Variants in SLC9A8 observed in about 807,000 individuals in gnomAD.
The protein encoded by SLC9A8 is sodium/hydrogen exchanger 8.
Under a neutral mutation model 66.6 loss-of-function variants are expected in SLC9A8, and 48 were observed. That is an observed-to-expected ratio of 0.72 (90% CI 0.57 to 0.92). The LOEUF (loss-of-function observed/expected upper bound fraction) is 0.92, where lower values mean the gene tolerates loss of function less well. Ranked by LOEUF, SLC9A8 falls within the 40% of genes least tolerant of loss-of-function variation. The pLI, the probability that SLC9A8 is intolerant of heterozygous loss-of-function variation, is 0.00. For synonymous variants in SLC9A8, 274 were observed against 282.6 expected, an observed-to-expected ratio of 0.97 and a Z score of 0.31; for missense variants, 599 against 747.3, an observed-to-expected ratio of 0.80 and a Z score of 2.31.
rs369659964 is a variant in SLC9A8, at chr20:49,839,686, T to C, written c.348+87T>C. 3.9e-6 allele frequency: 3 copies of C among 776,232 alleles called. No individual in the cohort carries two copies. In the African/African-American group the frequency reaches 5.4e-5, roughly 14 times the overall value. The allele number at this position is 776,232 out of a possible 1,614,324, so 48.1% of individuals were successfully genotyped here. On this transcript the variant is annotated intron_variant, in intron 4 of 15. Transcript: ENST00000361573. ...GTAATTACTTGGCTATCAGTGGAGT[T>C]ATTTATATTATTATGTTATATATCC...
intron 1 of SLC9A8, among the ~76,000 whole-genome samples, chr20:49,813,187 G>A (rs1327243173): frequency 6.6e-6 from 1 of 152,242 alleles, no homozygotes; most frequent in African/African-American, 2.4e-5. Flanking sequence ...GCGCAGGCCC[G>A]GAGAGCTGTC....
At chr20:49,871,964 CT>C (rs2089224613) in intron 10 of SLC9A8, among the ~76,000 whole-genome samples, 4 of 152,182 alleles carry the variant, frequency 2.6e-5, no homozygotes, top group African/African-American at 4.8e-5. Flanking sequence ...TACTGTCAGC[CT>C]TTGTAGACAG....
At chr20:49,842,935 C>T (rs539505428) in intron 4 of SLC9A8, among the ~76,000 whole-genome samples, 50 of 152,314 alleles carry the variant, frequency 3.3e-4, no homozygotes, top group African/African-American at 1.2e-3. Flanking sequence ...CGCATCACTC[C>T]TGTCTTTGTC....
At chr20:49,846,009 C>T (rs1457413672) in intron 5 of SLC9A8, among the ~76,000 whole-genome samples, 3 of 151,886 alleles carry the variant, frequency 2.0e-5, no homozygotes, top group Non-Finnish European at 2.9e-5. Context: ...TAATTTTTGT[C>T]GTTTTAGTAG....
In SLC9A8 at chr20:49,857,765, T is replaced by C. The variant is rs1374087807; in HGVS notation, c.713+2184T>C. Among the ~76,000 whole-genome samples, 2 of 152,118 alleles carry C rather than the reference T, an allele frequency of 1.3e-5. 1 individual carries two copies. The highest frequency in any genetic ancestry group is 6.3e-3 in the Middle Eastern group (2 of 316). ...GGTACTATGAGAAAAGCATCCAGCA[T>C]TGGGTAATGTGACATCCTTTCCTTT... On this transcript the variant is annotated intron_variant, in intron 8 of 15. Transcript: ENST00000361573.
At chr20:49,846,411 C>T (rs1265901208) in intron 5 of SLC9A8, among the ~76,000 whole-genome samples, 1 of 151,184 alleles carries the variant, frequency 6.6e-6, no homozygotes, top group Non-Finnish European at 1.5e-5. Flanking sequence ...CATGCGCTGC[C>T]CCCTACAGGT....
At chr20:49,851,281 G>A (rs944535914) in intron 7 of SLC9A8, among the ~76,000 whole-genome samples, 1 of 152,194 alleles carries the variant, frequency 6.6e-6, no homozygotes, top group Non-Finnish European at 1.5e-5. Flanking sequence ...GGGAAGCAGG[G>A]CCAAGACCTC....
chr20:49,865,797 TCC>T (rs1754528153), intron 10 of SLC9A8, among the ~76,000 whole-genome samples: 2 of 152,162 alleles, frequency 1.3e-5, no homozygotes, highest in African/African-American at 4.8e-5. Flanking sequence ...TCACCCCTGT[TCC>T]TGTGTGAGGG....
At position 49,812,963 on chromosome 20, in the gene SLC9A8, T is replaced by G; in HGVS notation, c.26+15T>G. 3 of 1,399,978 alleles carry G rather than the reference T, an allele frequency of 2.1e-6. No individual in the cohort carries two copies. The highest frequency in any genetic ancestry group is 1.5e-5 in the South Asian group (1 of 67,858). The allele number at this position is 1,399,978 out of a possible 1,614,324, so 86.7% of individuals were successfully genotyped here. A position where few individuals can be genotyped will look rare whatever the true frequency, so the allele number is the denominator to read the frequency against. ...GCGGAAGAGGAGTGAGTGGGCTTTTTCCCGGGCGGCGGAGGCGGCGGGGCT... is the reference window on the plus strand; with the variant it reads ...GCGGAAGAGGAGTGAGTGGGCTTTTGCCCGGGCGGCGGAGGCGGCGGGGCT... On this transcript the variant is annotated intron_variant, in intron 1 of 15. Coordinates refer to ENST00000361573, the MANE Select transcript of SLC9A8 (RefSeq NM_015266.3).
rs771252425 is a variant in SLC9A8, at chr20:49,849,566, C to T, written c.433-13C>T. On this transcript the variant is annotated splice_polypyrimidine_tract_variant and intron_variant, in intron 5 of 15. Transcript: ENST00000361573. The stretch of plus-strand genomic sequence containing the variant: ...TTTCTAATCATTTCCCTGATTTCTG[C>T]TCTTTCAAACAGGGTAACTTCTTTC... 3 of 1,597,136 alleles carry T rather than the reference C, an allele frequency of 1.9e-6. No homozygotes were observed. In the South Asian group the frequency reaches 3.3e-5, roughly 18 times the overall value.
intron 11 of SLC9A8, among the ~76,000 whole-genome samples, chr20:49,877,057 A>C (rs970896857): frequency 6.6e-6 from 1 of 151,276 alleles, no homozygotes; most frequent in South Asian, 2.1e-4. Context: ...AGGGGGGCCA[A>C]GGTGTGCGGA....
At chr20:49,840,414 A>G (rs936094190) in intron 4 of SLC9A8, among the ~76,000 whole-genome samples, 8 of 152,216 alleles carry the variant, frequency 5.3e-5, no homozygotes, top group Non-Finnish European at 1.0e-4. Flanking sequence ...AAAGAATTAT[A>G]TGGCTAAAAT....
Position 49,869,344 on chromosome 20 carries a change from G to A in SLC9A8, c.958+4500G>A, listed in dbSNP as rs577420396. On this transcript the variant is annotated intron_variant, in intron 10 of 15. Transcript: ENST00000361573. Reference sequence around the variant, plus strand: ...AAGCAATTCTCTGCCTCAGCCTTCCGAGTAGCTGGGATTACAGGTGCCCAC... The same window carrying A: ...AAGCAATTCTCTGCCTCAGCCTTCCAAGTAGCTGGGATTACAGGTGCCCAC... 1.5e-4 allele frequency among the ~76,000 whole-genome samples: 23 copies of A among 151,946 alleles called. No individual in the cohort carries two copies. In the East Asian group the frequency reaches 2.7e-3, roughly 18 times the overall value.
intron 3 of SLC9A8, chr20:49,829,657 A>G: frequency 2.2e-6 from 1 of 459,720 alleles, no homozygotes; most frequent in Non-Finnish European, 4.3e-6. Context: ...AAGATTCACA[A>G]GGGTAAACTA....
In SLC9A8 at chr20:49,889,550, C is replaced by T. The variant is rs1455204193; in HGVS notation, c.*1614C>T. The T allele has an allele frequency of 2.0e-5, 3 of 152,288 alleles. No homozygotes were observed. The highest frequency in any genetic ancestry group is 4.4e-5 in the Non-Finnish European group (3 of 68,082). 9.4% of individuals were successfully genotyped at this position (152,288 alleles called of 1,614,324 possible). A position where few individuals can be genotyped will look rare whatever the true frequency, so the allele number is the denominator to read the frequency against. ...CCCGATCCTACCACCTCGCCTTGAC[C>T]CTGAAGTCAGAGCAGGCCAGCCAAG... On this transcript the variant is annotated 3_prime_UTR_variant, in exon 16 of 16. Transcript: ENST00000361573.
intron 3 of SLC9A8, among the ~76,000 whole-genome samples, chr20:49,831,894 C>T (rs551009191): frequency 3.3e-5 from 5 of 152,228 alleles, no homozygotes; most frequent in Non-Finnish European, 7.3e-5. Flanking sequence ...ACCACTGCCA[C>T]AGTGGGCGCT....
intron 8 of SLC9A8, 61 bp downstream of exon 8, chr20:49,855,642 A>G: frequency 1.3e-6 from 2 of 1,511,880 alleles, no homozygotes; most frequent in South Asian, 1.2e-5. Flanking sequence ...TCCTTGTAAC[A>G]AAGGGGCAGA....
chr20:49,891,605 G>C lies in SLC9A8; in HGVS notation c.*3669G>C, dbSNP rs1396292568. 1.3e-5 allele frequency: 2 copies of C among 152,436 alleles called. No individual in the cohort carries two copies. The highest frequency in any genetic ancestry group is 3.8e-4 in the East Asian group (2 of 5,200). 9.4% of individuals were successfully genotyped at this position (152,436 alleles called of 1,614,324 possible). ...TTGCTGTGGCCTCTGGTGCCCTTGAGTTGGTCTCCCCGGCTGCTCTGCGGG... is the reference window on the plus strand; with the variant it reads ...TTGCTGTGGCCTCTGGTGCCCTTGACTTGGTCTCCCCGGCTGCTCTGCGGG... On this transcript the variant is annotated 3_prime_UTR_variant, in exon 16 of 16. Transcript: ENST00000361573.
In SLC9A8 at chr20:49,886,037, C is replaced by T. The variant is rs938925637; in HGVS notation, c.1492-715C>T. Among the ~76,000 whole-genome samples, 7 of 152,166 alleles carry T rather than the reference C, an allele frequency of 4.6e-5. No homozygotes were observed. Among genetic ancestry groups the T allele is most frequent in the African/African-American group, 1.7e-4 (7 of 41,442 alleles). On this transcript the variant is annotated intron_variant, in intron 14 of 15. Coordinates refer to ENST00000361573, the MANE Select transcript of SLC9A8 (RefSeq NM_015266.3). This position sits in a 1 kb window ranked among gnomAD's most constrained non-coding sequence, Gnocchi z 4.8. The stretch of plus-strand genomic sequence containing the variant: ...TCTAATACAGACCAGTGTTTGACAA[C>T]CACTGCTTCACAGCATCTAAATGCC...
Sources: gnomAD v4.1 joint callset for allele counts (sites outside exome capture counted in the v4.1 genomes callset) on GRCh38, gnomAD v4.1.1 for gene constraint, Gnocchi (gnomAD v3.1) non-coding constraint, MANE v1.5 for transcripts, NCBI Gene and HGNC (gene_info 2026-07-23, HGNC 2026-07-21) for gene names.